Variants in SAXO1 observed in about 807,000 individuals in gnomAD.
The protein encoded by SAXO1 is stabilizer of axonemal microtubules 1, also known as 4930500O09Rik.
In SAXO1, 21 loss-of-function variants were observed where a neutral mutation model predicts 17.5. That is an observed-to-expected ratio of 1.20 (90% CI 0.85 to 1.72). The LOEUF (loss-of-function observed/expected upper bound fraction) is 1.72. Ranked by LOEUF, SAXO1 falls within the 40% of genes most tolerant of loss-of-function variation. The probability of loss-of-function intolerance (pLI) is 0.00; values close to 1 mark genes in which losing one functional copy is unlikely to be tolerated. For missense variants in SAXO1, 843 were observed against 596.0 expected (o/e 1.41, Z -4.32); for synonymous variants, 274 against 216.5 (o/e 1.27, Z -2.33).
At chr9:18,996,872 G>C (rs1018036832) in intron 1 of SAXO1, among the ~76,000 whole-genome samples, 1 of 151,942 alleles carries the variant, frequency 6.6e-6, no homozygotes, top group Non-Finnish European at 1.5e-5. Flanking sequence ...CATAGTAAAA[G>C]GCATCCAATT....
chr9:18,936,293 A>C (rs1255473721), intron 3 of SAXO1, among the ~76,000 whole-genome samples: 2 of 152,194 alleles, frequency 1.3e-5, no homozygotes, highest in African/African-American at 4.8e-5. Flanking sequence ...CTCTATCAGC[A>C]TCTTGAAAGC....
At position 19,011,864 on chromosome 9, in the gene SAXO1, T is replaced by TTTTG. The variant is rs1437816833; in HGVS notation, c.38+21006_38+21007insCAAA. ...TTAAGCATAGATTTTTTTTTTTTTT[T>TTTTG]GAGATGGAGTCTCATTCTGTCGCCA... On this transcript the variant is annotated intron_variant, in intron 1 of 3. Transcript: ENST00000380534. Among the ~76,000 whole-genome samples the TTTTG allele has an allele frequency of 2.7e-3, 412 of 151,016 alleles. 1 individual carries two copies. The highest frequency in any genetic ancestry group is 9.7e-3 in the African/African-American group (395 of 40,882).
chr9:19,036,890 C>T (rs951397527), upstream of SAXO1, among the ~76,000 whole-genome samples: 1 of 152,170 alleles, frequency 6.6e-6, no homozygotes, highest in Non-Finnish European at 1.5e-5. Context: ...GGTAAAGCCA[C>T]AGACACTCAT....
chr9:18,941,740 C>A lies in SAXO1; in HGVS notation c.318G>T (p.Lys106Asn). ...EENMDLLTTY[K>N]KDYNPYPVCR... is the part of the protein sequence containing the mutation. ...AGACAGGGTAGGGATTGTAATCTTTCTTATACGTCGTGAGCAAATCCATAT... is the reference window on the plus strand; with the variant it reads ...AGACAGGGTAGGGATTGTAATCTTTATTATACGTCGTGAGCAAATCCATAT... Residue 106 changes from lysine to asparagine, a missense_variant, in exon 3 of 4, where the codon AAG becomes AAT. Coordinates refer to ENST00000380534, the MANE Select transcript of SAXO1 (RefSeq NM_153707.4). The A allele has an allele frequency of 6.2e-7, 1 of 1,613,876 alleles. No homozygotes were observed. Among genetic ancestry groups the A allele is most frequent in the Non-Finnish European group, 8.5e-7 (1 of 1,180,030 alleles).
chr9:19,002,966 T>G (rs1013194124), intron 1 of SAXO1, among the ~76,000 whole-genome samples: 1 of 152,154 alleles, frequency 6.6e-6, no homozygotes, highest in Non-Finnish European at 1.5e-5. Context: ...TCTATTTGCA[T>G]ATGACATGAC....
intron 1 of SAXO1, among the ~76,000 whole-genome samples, chr9:19,039,976 G>A (rs981915181): frequency 4.3e-4 from 66 of 152,234 alleles, no homozygotes; most frequent in African/African-American, 1.5e-3. Flanking sequence ...TGATCTGCCC[G>A]CCTCGGCCTC....
intron 1 of SAXO1, among the ~76,000 whole-genome samples, chr9:19,009,494 G>C (rs181282304): frequency 6.6e-6 from 1 of 152,180 alleles, no homozygotes; most frequent in African/African-American, 2.4e-5. Context: ...GTGGCAAAAA[G>C]GGGGAAGCTG....
intron 1 of SAXO1, among the ~76,000 whole-genome samples, chr9:19,011,800 A>C (rs565493163): frequency 3.8e-4 from 57 of 151,544 alleles, no homozygotes; most frequent in African/African-American, 1.4e-3. Context: ...TCTTTCTCAA[A>C]TTCCATATTC....
chr9:19,034,929 T>C (rs1279976803), upstream of SAXO1, among the ~76,000 whole-genome samples: 1 of 152,204 alleles, frequency 6.6e-6, no homozygotes, highest in Admixed American at 6.5e-5. Context: ...CAAACTGCCC[T>C]TGTGGGTGGC....
intron 1 of SAXO1, among the ~76,000 whole-genome samples, chr9:18,992,984 G>C (rs537154713): frequency 5.0e-4 from 76 of 152,050 alleles, no homozygotes; most frequent in Non-Finnish European, 1.0e-3. Context: ...ATTTTTAGTA[G>C]AGACAGGGTT....
chr9:19,036,895 A>G (rs933818289), upstream of SAXO1, among the ~76,000 whole-genome samples: 2 of 152,126 alleles, frequency 1.3e-5, no homozygotes, highest in Admixed American at 6.5e-5. Flanking sequence ...AGCCACAGAC[A>G]CTCATTGCCA....
chr9:18,969,203 T>C (rs994139397), intron 1 of SAXO1, among the ~76,000 whole-genome samples: 6 of 152,206 alleles, frequency 3.9e-5, no homozygotes, highest in Admixed American at 2.6e-4. Flanking sequence ...AACAGGCTCT[T>C]GATTTAAGCT....
At chr9:18,951,362 G>A (rs1440644470) in intron 1 of SAXO1, among the ~76,000 whole-genome samples, 2 of 152,152 alleles carry the variant, frequency 1.3e-5, no homozygotes, top group Non-Finnish European at 2.9e-5. Context: ...CTCTCCAATA[G>A]GGCCAGCCAG....
At chr9:19,028,535 T>C (rs1009620626) in intron 1 of SAXO1, among the ~76,000 whole-genome samples, 2 of 152,254 alleles carry the variant, frequency 1.3e-5, no homozygotes, top group Non-Finnish European at 2.9e-5. Flanking sequence ...TAAGTCAAGA[T>C]AATTAAGTGG....
chr9:18,952,972 C>A (rs541079297), intron 1 of SAXO1, among the ~76,000 whole-genome samples: 12 of 152,256 alleles, frequency 7.9e-5, no homozygotes, highest in African/African-American at 1.4e-4. Flanking sequence ...CATAGTAAAC[C>A]AATGACCCAT....
intron 1 of SAXO1, among the ~76,000 whole-genome samples, chr9:18,991,340 G>C (rs941893847): frequency 7.9e-5 from 12 of 152,124 alleles, no homozygotes; most frequent in East Asian, 1.9e-4. Flanking sequence ...TGACAGACTG[G>C]ATTAAGAAAA....
intron 1 of SAXO1, chr9:19,027,175 TTGACC>T (rs1158527034): frequency 8.3e-7 from 1 of 1,201,546 alleles, no homozygotes; most frequent in Non-Finnish European, 1.2e-6. Context: ...GGTCCAAATA[TTGACC>T]TGGACTCCCA....
intron 1 of SAXO1, among the ~76,000 whole-genome samples, chr9:19,026,111 C>T (rs753274887): frequency 2.9e-4 from 44 of 152,230 alleles, no homozygotes; most frequent in Non-Finnish European, 6.0e-4. Context: ...TATTTGTAAG[C>T]TTCCCAATAC....
In SAXO1 at chr9:18,991,248, G is replaced by A. The variant is rs541683388; in HGVS notation, c.39-40311C>T. ...ACTCCTCCAGCCTGGGTGACAGAGC[G>A]AGACTCACACATGCACACTTATGTT... On this transcript the variant is annotated intron_variant, in intron 1 of 3. Transcript: ENST00000380534. Among the ~76,000 whole-genome samples the A allele has an allele frequency of 3.9e-5, 6 of 152,212 alleles. No individual in the cohort carries two copies. In the East Asian group the frequency reaches 5.8e-4, roughly 15 times the overall value.
Sources: gnomAD v4.1 joint callset for allele counts (sites outside exome capture counted in the v4.1 genomes callset) on GRCh38, gnomAD v4.1.1 for gene constraint, MANE v1.5 for transcripts, NCBI Gene and HGNC (gene_info 2026-07-23, HGNC 2026-07-21) for gene names.